The following NTM variants were observed in gnomAD, a reference collection of about 807,000 sequenced individuals.
NTM encodes neurotrimin.
A neutral mutation model predicts 42.1 loss-of-function variants in NTM; 13 were observed. That is an observed-to-expected ratio of 0.31 (90% CI 0.20 to 0.49). NTM has a LOEUF of 0.49. Ranked by LOEUF, NTM falls within the 20% of genes least tolerant of loss-of-function variation. The pLI, the probability that NTM is intolerant of heterozygous loss-of-function variation, is 0.99. For synonymous variants in NTM, 187 were observed against 179.2 expected (o/e 1.04, Z -0.35); for missense variants, 373 against 452.8 (o/e 0.82, Z 1.60).
intron 1 of NTM, among the ~76,000 whole-genome samples, chr11:131,428,615 G>A (rs1278356326): frequency 6.6e-6 from 1 of 151,916 alleles, no homozygotes; most frequent in Non-Finnish European, 1.5e-5. Flanking sequence ...TCATCCCCTA[G>A]ACTTGAGGAA....
intron 1 of NTM, among the ~76,000 whole-genome samples, chr11:131,696,708 G>A (rs905491845): frequency 6.6e-6 from 1 of 151,988 alleles, no homozygotes; most frequent in South Asian, 2.1e-4. Context: ...TGAGGCAATG[G>A]CCCATGTTAA....
In NTM at chr11:131,601,479, T is replaced by C. The variant is rs557840942; in HGVS notation, c.82+230591T>C. Among the ~76,000 whole-genome samples, 13 of 152,326 alleles carry C rather than the reference T, an allele frequency of 8.5e-5. No individual in the cohort carries two copies. In the East Asian group the frequency reaches 2.3e-3, roughly 27 times the overall value. ...TTTGTTTAAGACACTTTTGAATAAT[T>C]AAATCATTTGTTTTAATGAAATCTC... On this transcript the variant is annotated intron_variant, in intron 1 of 8. Transcript: ENST00000683400.
chr11:132,002,838 A>G lies in NTM; in HGVS notation c.167+91190A>G, dbSNP rs189446190. ...TAAAGTTGAAGATTGAGTTTTATAC[A>G]TTTAAAGTCCTAGAACAAAGCCTGC... On this transcript the variant is annotated intron_variant, in intron 2 of 8. Coordinates refer to ENST00000683400, the MANE Select transcript of NTM (RefSeq NM_001352005.2). The surrounding 1 kb of genome is among the most constrained non-coding windows in gnomAD (Gnocchi z 4.5). Among the ~76,000 whole-genome samples the G allele has an allele frequency of 4.0e-5, 6 of 151,880 alleles. No individual in the cohort carries two copies. The East Asian group carries it at 1.2e-3, about 29-fold the overall frequency.
In NTM at chr11:131,643,555, C is replaced by T. The variant is rs554632510; in HGVS notation, c.83-268009C>T. Among the ~76,000 whole-genome samples, 16 of 152,310 alleles carry T rather than the reference C, an allele frequency of 1.1e-4. No individual in the cohort carries two copies. The East Asian group carries it at 2.5e-3, about 24-fold the overall frequency. On this transcript the variant is annotated intron_variant, in intron 1 of 8. Transcript: ENST00000683400. ...TCTACTCAACTCTCTCTCTCTCTCTCGTGTCGCACAGAAGCTTATGGATAC... is the reference window on the plus strand; with the variant it reads ...TCTACTCAACTCTCTCTCTCTCTCTTGTGTCGCACAGAAGCTTATGGATAC...
At chr11:131,954,618 T>G (rs2061371535) in intron 2 of NTM, among the ~76,000 whole-genome samples, 2 of 138,908 alleles carry the variant, frequency 1.4e-5, no homozygotes, top group African/African-American at 5.7e-5. Flanking sequence ...TCAATCAAAT[T>G]TTATAGAATA....
At chr11:132,083,473 T>C (rs1326635705) in intron 2 of NTM, among the ~76,000 whole-genome samples, 1 of 152,260 alleles carries the variant, frequency 6.6e-6, no homozygotes, top group African/African-American at 2.4e-5. Flanking sequence ...TTTTTAAAGC[T>C]GAGCCTAGCC....
chr11:132,307,784 G>C lies in NTM; in HGVS notation c.622G>C (p.Ala208Pro). The change falls in exon 5 of 9, where the codon GCC (alanine) becomes CCC (proline). Residue 208 changes from alanine (A) to proline (P), a missense_variant. Transcript: ENST00000683400. ...CGAGTGCAGTGCCTCCAATGACGTG[G>C]CCGCGCCCGTGGTACGGAGAGTAAA... ...DYECSASNDV[A>P]APVVRRVKVT... 1 of 1,614,208 alleles carries C rather than the reference G, an allele frequency of 6.2e-7. No homozygotes were observed. The highest frequency in any genetic ancestry group is 8.5e-7 in the Non-Finnish European group (1 of 1,180,040).
chr11:131,726,655 T>C (rs939370268), intron 1 of NTM, among the ~76,000 whole-genome samples: 1 of 151,282 alleles, frequency 6.6e-6, no homozygotes, highest in Non-Finnish European at 1.5e-5. Flanking sequence ...AGCCTCAGTT[T>C]CCTGCCTTGT....
At chr11:132,240,470 G>A (rs1281508811) in intron 4 of NTM, among the ~76,000 whole-genome samples, 9 of 152,174 alleles carry the variant, frequency 5.9e-5, no homozygotes, top group Admixed American at 1.3e-4. Flanking sequence ...TTCTTGTAGC[G>A]TCTCCAATTT....
At chr11:131,503,967 C>G (rs1346433660) in intron 1 of NTM, among the ~76,000 whole-genome samples, 5 of 152,180 alleles carry the variant, frequency 3.3e-5, no homozygotes, top group Non-Finnish European at 7.3e-5. Flanking sequence ...GTCATTAGTG[C>G]TTTAAGGCCA....
At chr11:132,161,088 T>C (rs1170212123) in intron 3 of NTM, among the ~76,000 whole-genome samples, 1 of 152,172 alleles carries the variant, frequency 6.6e-6, no homozygotes, top group Non-Finnish European at 1.5e-5. Context: ...AGGACCTCCA[T>C]GGTTCACAGC....
chr11:131,525,859 G>GA (rs1565600806), intron 1 of NTM, among the ~76,000 whole-genome samples: 1 of 151,904 alleles, frequency 6.6e-6, no homozygotes. Flanking sequence ...GTGTGTGTGT[G>GA]TGCATGTATA....
Position 131,656,844 on chromosome 11 carries a change from T to C in NTM, c.83-254720T>C, listed in dbSNP as rs1196803357. ...GGTATGCAACTGTCACTATAAACAC[T>C]TCCCAAGAAGATGACCTACTTCTGC... On this transcript the variant is annotated intron_variant, in intron 1 of 8. Coordinates refer to ENST00000683400, the MANE Select transcript of NTM (RefSeq NM_001352005.2). Among the ~76,000 whole-genome samples, 3 of 152,174 alleles carry C rather than the reference T, an allele frequency of 2.0e-5. 1 individual carries two copies. Among genetic ancestry groups the C allele is most frequent in the Admixed American group, 2.0e-4 (3 of 15,284 alleles).
At chr11:131,780,560 T>G (rs1298931991) in intron 1 of NTM, among the ~76,000 whole-genome samples, 1 of 152,196 alleles carries the variant, frequency 6.6e-6, no homozygotes, top group Non-Finnish European at 1.5e-5. Context: ...GCAGGGTTTA[T>G]CAGAAGACAT....
At chr11:131,879,799 C>T (rs1419951179) in intron 1 of NTM, among the ~76,000 whole-genome samples, 2 of 152,070 alleles carry the variant, frequency 1.3e-5, no homozygotes, top group East Asian at 3.9e-4. Context: ...AATAGTTGTC[C>T]CAAATTCCTT....
intron 3 of NTM, among the ~76,000 whole-genome samples, chr11:132,148,429 T>G (rs577678846): frequency 6.6e-6 from 1 of 152,264 alleles, no homozygotes; most frequent in East Asian, 1.9e-4. Context: ...TGGAAGCTAT[T>G]GCTCAGCCCC....
In NTM at chr11:131,840,425, G is replaced by A. The variant is rs148116689; in HGVS notation, c.83-71139G>A. Reference sequence around the variant, plus strand: ...GAGTGATCGATCAACTGTGTCACACGCTGCCGATGGACCAAGTAAGAGGAG... The same window carrying A: ...GAGTGATCGATCAACTGTGTCACACACTGCCGATGGACCAAGTAAGAGGAG... On this transcript the variant is annotated intron_variant, in intron 1 of 8. Transcript: ENST00000683400. Among the ~76,000 whole-genome samples the A allele has an allele frequency of 2.8e-3, 419 of 152,260 alleles. 1 individual carries two copies. Among genetic ancestry groups the A allele is most frequent in the African/African-American group, 9.6e-3 (400 of 41,540 alleles).
intron 1 of NTM, among the ~76,000 whole-genome samples, chr11:131,404,355 T>A (rs1251833029): frequency 6.6e-6 from 1 of 152,176 alleles, no homozygotes; most frequent in Non-Finnish European, 1.5e-5. Flanking sequence ...TGTGAAATTG[T>A]TCCTCTTGGC....
At chr11:131,433,411 C>A (rs952457139) in intron 1 of NTM, among the ~76,000 whole-genome samples, 6 of 152,196 alleles carry the variant, frequency 3.9e-5, no homozygotes, top group Non-Finnish European at 5.9e-5. Context: ...GAACTCCCAT[C>A]ACCACTAACC....
Sources: allele counts gnomAD v4.1 joint callset (sites outside exome capture counted in the v4.1 genomes callset), GRCh38; gene constraint gnomAD v4.1.1; non-coding constraint Gnocchi (gnomAD v3.1); transcripts MANE v1.5; gene names NCBI Gene and HGNC (gene_info 2026-07-23, HGNC 2026-07-21).